The following CDCA2 variants were observed in gnomAD, a reference collection of about 807,000 sequenced individuals.
The protein encoded by CDCA2 is cell division cycle associated 2.
Under a neutral mutation model 67.0 loss-of-function variants are expected in CDCA2, and 44 were observed. The ratio of observed to expected loss-of-function variants is 0.66; its 90% CI spans 0.52 to 0.84. The LOEUF is 0.84. Among genes scored for constraint, CDCA2 ranks in the 40% least tolerant of loss-of-function variants. The pLI is 0.00. For missense variants in CDCA2, 1,253 were observed against 1,203.2 expected (o/e 1.04, Z -0.61); for synonymous variants, 447 against 418.7 (o/e 1.07, Z -0.82).
chr8:25,484,138 C>T lies in CDCA2; in HGVS notation c.1293C>T (p.Ser431=), dbSNP rs755567957. 6.2e-6 allele frequency: 10 copies of T among 1,614,040 alleles called. No homozygotes were observed. In the Admixed American group the frequency reaches 6.7e-5, roughly 11 times the overall value. ...AAAAAGACTTCAGTGGTCTCAGTTCCCTGCTGCTTGAGCAGTCACCTGTTC... is the reference window on the plus strand; with the variant it reads ...AAAAAGACTTCAGTGGTCTCAGTTCTCTGCTGCTTGAGCAGTCACCTGTTC... ...VCKKDFSGLS[S]LLLEQSPVPE... is the part of the protein sequence containing the mutation. Residue 431 remains serine (S), a synonymous_variant, in exon 10 of 15, where the codon TCC becomes TCT. Transcript: ENST00000330560.
intron 7 of CDCA2, among the ~76,000 whole-genome samples, chr8:25,476,406 C>T (rs994449260): frequency 1.6e-4 from 24 of 152,124 alleles, no homozygotes; most frequent in Non-Finnish European, 8.8e-5. Flanking sequence ...TTCCTTGCTT[C>T]CTGTACCATT....
chr8:25,499,294 ATTTTTTTTTTTT>A (rs34849682), intron 13 of CDCA2, among the ~76,000 whole-genome samples: 1 of 83,202 alleles, frequency 1.2e-5, no homozygotes, highest in Non-Finnish European at 2.2e-5. Context: ...ATGTCCATGA[ATTTTTTTTTTTT>A]TTTTTTTTTT....
chr8:25,479,052 A>C (rs1486163793), intron 7 of CDCA2, among the ~76,000 whole-genome samples: 1 of 152,166 alleles, frequency 6.6e-6, no homozygotes, highest in African/African-American at 2.4e-5. Context: ...CACAACCAGG[A>C]AATTGACATT....
At chr8:25,483,342 G>A (rs1296659606) in intron 8 of CDCA2, 57 bp from the exon 9 acceptor site, 1 of 1,137,578 alleles carries the variant, frequency 8.8e-7, no homozygotes, top group Non-Finnish European at 1.2e-6. Flanking sequence ...TGTTCTTAAT[G>A]ATGACGTCTA....
At chr8:25,481,606 C>T (rs1209452319) in intron 8 of CDCA2, among the ~76,000 whole-genome samples, 2 of 151,996 alleles carry the variant, frequency 1.3e-5, no homozygotes, top group African/African-American at 4.8e-5. Flanking sequence ...AGGAGAATGG[C>T]GTGAACCCAG....
chr8:25,504,172 T>C (rs1804586515), intron 14 of CDCA2, among the ~76,000 whole-genome samples: 1 of 152,194 alleles, frequency 6.6e-6, no homozygotes, highest in African/African-American at 2.4e-5. Context: ...ACCTTGAAAG[T>C]TATTTTATTA....
chr8:25,498,341 G>A (rs546344029), intron 13 of CDCA2, among the ~76,000 whole-genome samples: 1 of 151,998 alleles, frequency 6.6e-6, no homozygotes, highest in Admixed American at 6.6e-5. Flanking sequence ...CCCAGTAGCT[G>A]GGACTACAGG....
At position 25,470,376 on chromosome 8, in the gene CDCA2, G is replaced by A. The variant is rs946548146; in HGVS notation, c.820+396G>A. Among the ~76,000 whole-genome samples the A allele has an allele frequency of 1.4e-4, 21 of 152,070 alleles. 1 individual carries two copies. The highest frequency in any genetic ancestry group is 3.1e-4 in the Non-Finnish European group (21 of 68,018). On this transcript the variant is annotated intron_variant, in intron 7 of 14. Transcript: ENST00000330560. ...TACTGGGTGAACATTACTAGCAAGGGTTTAGATTGACTTTTTTTCTACTTG... is the reference window on the plus strand; with the variant it reads ...TACTGGGTGAACATTACTAGCAAGGATTTAGATTGACTTTTTTTCTACTTG...
intron 12 of CDCA2, 103 bp from the exon 13 acceptor site, chr8:25,488,449 A>G: frequency 5.7e-6 from 6 of 1,060,028 alleles, no homozygotes; most frequent in Non-Finnish European, 7.8e-6. Context: ...AATGGGATCT[A>G]AAGTGGTAGA....
At position 25,484,132 on chromosome 8, in the gene CDCA2, C is replaced by A. The variant is rs1445364687; in HGVS notation, c.1287C>A (p.Leu429=). 1 of 1,614,196 alleles carries A rather than the reference C, an allele frequency of 6.2e-7. No individual in the cohort carries two copies. Among genetic ancestry groups the A allele is most frequent in the Admixed American group, 1.7e-5 (1 of 60,016 alleles). The change falls in exon 10 of 15, where the codon CTC becomes CTA. Residue 429 remains leucine (L), a synonymous_variant. Coordinates refer to ENST00000330560, the MANE Select transcript of CDCA2 (RefSeq NM_152562.4). ...TTTGTAAAAAAGACTTCAGTGGTCTCAGTTCCCTGCTGCTTGAGCAGTCAC... is the reference window on the plus strand; with the variant it reads ...TTTGTAAAAAAGACTTCAGTGGTCTAAGTTCCCTGCTGCTTGAGCAGTCAC... The part of the protein sequence containing the change: ...TPVCKKDFSG[L]SSLLLEQSPV...
intron 4 of CDCA2, among the ~76,000 whole-genome samples, 164 bp from the exon 5 acceptor site, chr8:25,466,011 G>C (rs910219976): frequency 2.8e-4 from 43 of 152,172 alleles, no homozygotes; most frequent in African/African-American, 1.0e-3. Flanking sequence ...AACTGAAAAT[G>C]GGTAATTCCA....
Position 25,462,123 on chromosome 8 carries a change from C to T in CDCA2, c.302C>T (p.Thr101Ile). ...GTCGGTGCTCGGGGCTCTCCTGAAA[C>T]AAACCATCTGATTCGTTTCATTGCT... The part of the protein sequence containing the change: ...SAVGARGSPE[T>I]NHLIRFIARQ... Residue 101 changes from threonine to isoleucine, a missense_variant, in exon 4 of 15, where the codon ACA (threonine) becomes ATA (isoleucine). By Grantham distance (89) the Thr-to-Ile change is moderately conservative (BLOSUM62 -1). Coordinates refer to ENST00000330560, the MANE Select transcript of CDCA2 (RefSeq NM_152562.4). 1 of 1,614,174 alleles carries T rather than the reference C, an allele frequency of 6.2e-7. No individual in the cohort carries two copies. Among genetic ancestry groups the T allele is most frequent in the South Asian group, 1.1e-5 (1 of 91,082 alleles).
chr8:25,461,776 A>C (rs1385375690), intron 3 of CDCA2, among the ~76,000 whole-genome samples: 1 of 152,218 alleles, frequency 6.6e-6, no homozygotes, highest in African/African-American at 2.4e-5. Context: ...AAGAAACAAA[A>C]ATGAAAACTT....
chr8:25,492,771 G>A lies in CDCA2; in HGVS notation c.1671+4082G>A, dbSNP rs528539329. Among the ~76,000 whole-genome samples, 21 of 152,324 alleles carry A rather than the reference G, an allele frequency of 1.4e-4. No individual in the cohort carries two copies. The South Asian group carries it at 3.5e-3, about 26-fold the overall frequency. On this transcript the variant is annotated intron_variant, in intron 13 of 14. Transcript: ENST00000330560. ...CTAAGGACGAAGCTTTTAACAACTT[G>A]GTTGTTGTGCAGGACAATGTGAGTA...
chr8:25,472,988 G>A (rs1803217605), intron 7 of CDCA2, among the ~76,000 whole-genome samples: 1 of 152,080 alleles, frequency 6.6e-6, no homozygotes, highest in Admixed American at 6.6e-5. Flanking sequence ...TGTATTCTTT[G>A]ATCAACAATT....
intron 6 of CDCA2, 56 bp from the exon 7 acceptor site, chr8:25,469,840 G>A (rs929184400): frequency 2.8e-6 from 3 of 1,054,824 alleles, no homozygotes; most frequent in Non-Finnish European, 4.3e-6. Context: ...TCTTCAAAAA[G>A]GCATTAGTAG....
chr8:25,500,652 G>A (rs970682214), intron 13 of CDCA2, among the ~76,000 whole-genome samples: 1 of 152,116 alleles, frequency 6.6e-6, no homozygotes, highest in South Asian at 2.1e-4. Flanking sequence ...GACTACATGT[G>A]TGTGCCACCA....
chr8:25,475,027 T>A (rs1803291144), intron 7 of CDCA2, among the ~76,000 whole-genome samples: 3 of 152,190 alleles, frequency 2.0e-5, no homozygotes, highest in Admixed American at 2.0e-4. Context: ...GCACAAGGGC[T>A]TAGTTTGATC....
chr8:25,480,613 T>C (rs532133720), intron 8 of CDCA2, among the ~76,000 whole-genome samples: 46 of 152,112 alleles, frequency 3.0e-4, no homozygotes, highest in Non-Finnish European at 6.2e-4. Context: ...ATTTATTGAG[T>C]AGTTTCTGTT....
Sources: allele counts gnomAD v4.1 joint callset (sites outside exome capture counted in the v4.1 genomes callset), GRCh38; gene constraint gnomAD v4.1.1; transcripts MANE v1.5; gene names NCBI Gene and HGNC (gene_info 2026-07-23, HGNC 2026-07-21).